KLF12: variants seen among roughly 807,000 people sequenced by gnomAD.
KLF12 encodes Krueppel-like factor 12.
In KLF12, 9 loss-of-function variants were observed where a neutral mutation model predicts 37.8. The observed-to-expected ratio is 0.24, with a 90% CI of 0.14 to 0.42. The LOEUF (loss-of-function observed/expected upper bound fraction) is 0.42. Ranked by LOEUF, KLF12 falls within the 10% of genes least tolerant of loss-of-function variation. KLF12 has a pLI of 1.00. For synonymous variants in KLF12, 208 were observed against 202.1 expected, an observed-to-expected ratio of 1.03 and a Z score of -0.25; for missense variants, 411 against 516.0, an observed-to-expected ratio of 0.80 and a Z score of 1.97.
intron 2 of KLF12, among the ~76,000 whole-genome samples, chr13:73,971,885 AT>A (rs1345715519): frequency 1.3e-5 from 2 of 152,110 alleles, no homozygotes; most frequent in African/African-American, 4.8e-5. Flanking sequence ...AAGCTAACAG[AT>A]TTTTTTAAGT....
intron 1 of KLF12, among the ~76,000 whole-genome samples, chr13:74,121,817 T>C (rs1877649615): frequency 6.6e-6 from 1 of 151,990 alleles, no homozygotes; most frequent in Non-Finnish European, 1.5e-5. Flanking sequence ...ATCCAGGTAC[T>C]ACTGGATATA....
At chr13:73,859,872 T>C (rs1235888204) in intron 3 of KLF12, among the ~76,000 whole-genome samples, 2 of 152,208 alleles carry the variant, frequency 1.3e-5, no homozygotes, top group African/African-American at 4.8e-5. Flanking sequence ...CAATTAGCAT[T>C]GTAAGCAGAA....
At chr13:73,805,266 A>G (rs747541005) in intron 5 of KLF12, among the ~76,000 whole-genome samples, 2 of 152,152 alleles carry the variant, frequency 1.3e-5, no homozygotes, top group Non-Finnish European at 2.9e-5. Context: ...TGTATTTAAT[A>G]TAATTATTTC....
chr13:73,864,731 ATTC>A (rs1886091416), intron 3 of KLF12, among the ~76,000 whole-genome samples: 1 of 152,248 alleles, frequency 6.6e-6, no homozygotes, highest in South Asian at 2.1e-4. Context: ...TCAACACAAA[ATTC>A]ATCATTCAGG....
chr13:73,894,298 A>G (rs895709011), intron 3 of KLF12, among the ~76,000 whole-genome samples: 2 of 152,214 alleles, frequency 1.3e-5, no homozygotes, highest in South Asian at 2.1e-4. Flanking sequence ...CATGCACACC[A>G]ATGTATATGG....
Position 73,846,360 on chromosome 13 carries a change from T to C in KLF12, c.137A>G (p.His46Arg), listed in dbSNP as rs200631472. 17 of 1,612,162 alleles carry C rather than the reference T, an allele frequency of 1.1e-5. No homozygotes were observed. The African/African-American group carries it at 2.0e-4, about 19-fold the overall frequency. ...AACGGCTTCCATATCGGGATAGTTGTGGACGTTTGGAGACTGTGGGGAGAA... is the reference window on the plus strand; with the variant it reads ...AACGGCTTCCATATCGGGATAGTTGCGGACGTTTGGAGACTGTGGGGAGAA... The change falls in exon 4 of 8, where the codon CAC becomes CGC. Residue 46 changes from histidine to arginine, a missense_variant. This residue lies in a region of KLF12 where 351 missense variants were observed against 397.8 expected (regional missense o/e 0.88). Coordinates refer to ENST00000377669, the MANE Select transcript of KLF12 (RefSeq NM_007249.5).
At chr13:73,705,139 C>T (rs903910333) in intron 7 of KLF12, among the ~76,000 whole-genome samples, 2 of 152,182 alleles carry the variant, frequency 1.3e-5, no homozygotes, top group South Asian at 2.1e-4. Flanking sequence ...AAATTAGTAA[C>T]GTGTGACTGA....
chr13:73,927,304 G>C (rs958287805), intron 3 of KLF12, among the ~76,000 whole-genome samples: 3 of 152,094 alleles, frequency 2.0e-5, no homozygotes, highest in Admixed American at 2.0e-4. Flanking sequence ...ACTAACTCAG[G>C]ATTCTTATTT....
chr13:74,193,935 C>T, the KLF12 span, among the ~76,000 whole-genome samples: 8 of 152,228 alleles, frequency 5.3e-5, no homozygotes, highest in South Asian at 1.2e-3. Flanking sequence ...TTTGTTAAAG[C>T]CTTCTGAAGA....
chr13:73,921,707 G>A (rs115329187), intron 3 of KLF12, among the ~76,000 whole-genome samples: 1,998 of 152,220 alleles, frequency 0.013, 41 homozygotes, highest in African/African-American at 0.043. Context: ...CATGTTGATA[G>A]TAATTCAAGT....
chr13:74,167,452 A>C, the KLF12 span, among the ~76,000 whole-genome samples: 1 of 152,260 alleles, frequency 6.6e-6, no homozygotes, highest in Non-Finnish European at 1.5e-5. Context: ...AAACTGGAAC[A>C]GTTTGGTTCT....
the KLF12 span, among the ~76,000 whole-genome samples, chr13:74,268,257 G>C: frequency 6.6e-6 from 1 of 152,158 alleles, no homozygotes; most frequent in Non-Finnish European, 1.5e-5. Context: ...GCTAGAACCT[G>C]GGTGGGACTT....
In KLF12 at chr13:73,687,078, G is replaced by A. The variant is rs1873535865; in HGVS notation, c.*8412C>T. 6.6e-6 allele frequency: 1 copy of A among 152,538 alleles called. No homozygotes were observed. The highest frequency in any genetic ancestry group is 2.1e-4 in the South Asian group (1 of 4,828). The allele number at this position is 152,538 out of a possible 1,614,324, so 9.4% of individuals were successfully genotyped here. A position where few individuals can be genotyped will look rare whatever the true frequency, so the allele number is the denominator to read the frequency against. On this transcript the variant is annotated 3_prime_UTR_variant, in exon 8 of 8. Transcript: ENST00000377669. ...TAAGTGGCAGGTGGGTATCTTAAAG[G>A]TGGTCTGTTCTCATCGTTTCACAAC...
At chr13:74,168,380 C>A in the KLF12 span, among the ~76,000 whole-genome samples, 2 of 152,224 alleles carry the variant, frequency 1.3e-5, no homozygotes, top group African/African-American at 2.4e-5. Context: ...TTACAACTTT[C>A]TTTTGGCACA....
At chr13:73,740,186 G>T (rs1380455588) in intron 6 of KLF12, among the ~76,000 whole-genome samples, 2 of 152,180 alleles carry the variant, frequency 1.3e-5, no homozygotes, top group Admixed American at 1.3e-4. Context: ...TCATAGGGGT[G>T]GAGCCCTCAT....
the KLF12 span, among the ~76,000 whole-genome samples, chr13:74,288,345 G>A: frequency 1.3e-5 from 2 of 152,134 alleles, no homozygotes; most frequent in Non-Finnish European, 2.9e-5. Context: ...TTTGTCCAGA[G>A]CCAAACACAG....
chr13:73,789,971 T>A (rs1417670656), intron 5 of KLF12, among the ~76,000 whole-genome samples: 1 of 152,172 alleles, frequency 6.6e-6, no homozygotes, highest in Admixed American at 6.5e-5. Context: ...CCACCGTGCC[T>A]GGCCTCTAAT....
At chr13:74,012,960 T>C (rs1892588423) in intron 1 of KLF12, among the ~76,000 whole-genome samples, 1 of 152,208 alleles carries the variant, frequency 6.6e-6, no homozygotes, top group Non-Finnish European at 1.5e-5. Context: ...AACTGGACCA[T>C]TTTTCTGAGG....
intron 3 of KLF12, among the ~76,000 whole-genome samples, chr13:73,939,793 C>T (rs1157247366): frequency 6.6e-6 from 1 of 152,112 alleles, no homozygotes; most frequent in East Asian, 1.9e-4. Flanking sequence ...AGGCTGAATA[C>T]CATCTGAACT....
Sources: gnomAD v4.1 joint callset for allele counts (sites outside exome capture counted in the v4.1 genomes callset) on GRCh38, gnomAD v4.1.1 for gene constraint, gnomAD v4.1.1 regional missense constraint, MANE v1.5 for transcripts, NCBI Gene and HGNC (gene_info 2026-07-23, HGNC 2026-07-21) for gene names.